INPP4B: variants seen among roughly 807,000 people sequenced by gnomAD.
The protein encoded by INPP4B is inositol polyphosphate-4-phosphatase type II B, also known as inositol polyphosphate 4-phosphatase type II.
Under a neutral mutation model 122.5 loss-of-function variants are expected in INPP4B, and 55 were observed. The ratio of observed to expected loss-of-function variants is 0.45; its 90% CI spans 0.36 to 0.56. The LOEUF is 0.56. Among genes scored for constraint, INPP4B ranks in the 20% least tolerant of loss-of-function variants. INPP4B has a pLI of 0.00. For missense variants in INPP4B, 1,000 were observed against 1,097.7 expected (o/e 0.91, Z 1.26); for synonymous variants, 403 against 388.7 (o/e 1.04, Z -0.43).
intron 2 of INPP4B, among the ~76,000 whole-genome samples, chr4:142,552,624 T>C (rs1268732739): frequency 6.6e-6 from 1 of 152,174 alleles, no homozygotes; most frequent in Non-Finnish European, 1.5e-5. Flanking sequence ...AGAGAGAATT[T>C]GGAGAAAGAG....
chr4:142,613,141 A>C (rs1025364145), intron 2 of INPP4B, among the ~76,000 whole-genome samples: 2 of 152,122 alleles, frequency 1.3e-5, no homozygotes, highest in Admixed American at 6.6e-5. Flanking sequence ...ATAAAGAGAG[A>C]GCTTTTCTCC....
chr4:142,729,118 T>A (rs1306658578), intron 1 of INPP4B, among the ~76,000 whole-genome samples: 1 of 152,164 alleles, frequency 6.6e-6, no homozygotes, highest in East Asian at 1.9e-4. Context: ...ATCCCTTGCA[T>A]GTGCAGCTCA....
At chr4:142,828,331 T>C (rs1032331699) in intron 1 of INPP4B, among the ~76,000 whole-genome samples, 1 of 152,046 alleles carries the variant, frequency 6.6e-6, no homozygotes, top group East Asian at 1.9e-4. Context: ...TACTCAAAAG[T>C]GAAATATCGT....
intron 7 of INPP4B, among the ~76,000 whole-genome samples, chr4:142,330,615 A>C (rs1419018452): frequency 6.6e-6 from 1 of 152,208 alleles, no homozygotes; most frequent in Admixed American, 6.5e-5. Context: ...ACTCTTCAAC[A>C]AATGTCAAAA....
chr4:142,459,514 T>A (rs903369446), intron 3 of INPP4B, among the ~76,000 whole-genome samples: 1 of 151,964 alleles, frequency 6.6e-6, no homozygotes, highest in Non-Finnish European at 1.5e-5. Flanking sequence ...TTTAAAAATG[T>A]GAATAAAGAC....
At chr4:142,616,357 T>G (rs940779191) in intron 2 of INPP4B, among the ~76,000 whole-genome samples, 1 of 152,118 alleles carries the variant, frequency 6.6e-6, no homozygotes, top group African/African-American at 2.4e-5. Context: ...CAGAGAGATA[T>G]CTCCCAGTGC....
At chr4:142,669,208 GGAA>G (rs1470732654) in intron 2 of INPP4B, among the ~76,000 whole-genome samples, 1 of 152,044 alleles carries the variant, frequency 6.6e-6, no homozygotes, top group Non-Finnish European at 1.5e-5. Flanking sequence ...TTCTTTGATT[GGAA>G]GAATTAACAT....
chr4:142,142,515 G>C (rs1808401723), intron 18 of INPP4B, among the ~76,000 whole-genome samples: 1 of 152,044 alleles, frequency 6.6e-6, no homozygotes, highest in Non-Finnish European at 1.5e-5. Context: ...TGAACCTGGA[G>C]CTGGGGTAGG....
At chr4:142,628,647 T>C (rs573270054) in intron 2 of INPP4B, among the ~76,000 whole-genome samples, 1 of 151,390 alleles carries the variant, frequency 6.6e-6, no homozygotes, top group Non-Finnish European at 1.5e-5. Flanking sequence ...CATGGATGCG[T>C]AGGTTATTTA....
intron 2 of INPP4B, among the ~76,000 whole-genome samples, chr4:142,708,719 G>A (rs946697531): frequency 2.0e-5 from 3 of 152,200 alleles, no homozygotes; most frequent in African/African-American, 7.2e-5. Context: ...GCAGAAGTCT[G>A]CTGCTGGGGT....
At chr4:142,185,980 T>C (rs996960485) in intron 15 of INPP4B, among the ~76,000 whole-genome samples, 4 of 150,940 alleles carry the variant, frequency 2.7e-5, no homozygotes, top group African/African-American at 7.3e-5. Context: ...TGCAAAGATA[T>C]ATGAATAAGG....
rs747104149 is a variant in INPP4B at position 142,182,556 on chromosome 4, AAAACAAAC to A, written c.1182-8755_1182-8748del. The stretch of plus-strand genomic sequence containing the variant: ...AGCGAGACTCTGTCTCAAAAAAAAA[AAAACAAAC>A]AAAAAAAAGATTCTTAATGTGAAAA... On this transcript the variant is annotated intron_variant, in intron 15 of 25. Transcript: ENST00000262992. Among the ~76,000 whole-genome samples the A allele has an allele frequency of 8.1e-3, 337 of 41,588 alleles. 25 individuals carry two copies. The highest frequency in any genetic ancestry group is 0.013 in the Admixed American group (26 of 1,972). The allele number at this position is 41,588 out of a possible 152,430, so 27.3% of individuals were successfully genotyped here. A position where few individuals can be genotyped will look rare whatever the true frequency, so the allele number is the denominator to read the frequency against.
chr4:142,281,178 A>G (rs1011610368), intron 9 of INPP4B, among the ~76,000 whole-genome samples: 1 of 151,706 alleles, frequency 6.6e-6, no homozygotes, highest in Admixed American at 6.6e-5. Context: ...TTAAACACAG[A>G]CTATTGGGAG....
chr4:142,827,971 T>C (rs1375363413), intron 1 of INPP4B, among the ~76,000 whole-genome samples: 2 of 152,224 alleles, frequency 1.3e-5, no homozygotes, highest in East Asian at 1.9e-4. Context: ...TGAACAGAAC[T>C]CTGAGGTACC....
In INPP4B at chr4:142,797,561, A is replaced by C. The variant is rs75273300; in HGVS notation, c.-254+48648T>G. Among the ~76,000 whole-genome samples, 1,253 of 152,062 alleles carry C rather than the reference A, an allele frequency of 8.2e-3. 26 individuals carry two copies. Among genetic ancestry groups the C allele is most frequent in the African/African-American group, 0.029 (1,212 of 41,526 alleles). On this transcript the variant is annotated intron_variant, in intron 1 of 25. Transcript: ENST00000262992. ...AGACAGAAAATATTTGGAATCATCA[A>C]ATTTCCCAAACTGATAAAAGAAAAC...
chr4:142,099,860 T>C (rs904696900), intron 23 of INPP4B, among the ~76,000 whole-genome samples: 2 of 152,116 alleles, frequency 1.3e-5, no homozygotes, highest in Non-Finnish European at 2.9e-5. Context: ...TTTCATCTTC[T>C]TTTACACTCA....
intron 1 of INPP4B, among the ~76,000 whole-genome samples, chr4:142,759,825 T>TAAAAAAAAAAAAAAAAA (rs70949188): frequency 6.1e-4 from 43 of 70,040 alleles, no homozygotes; most frequent in African/African-American, 1.2e-3. Flanking sequence ...GAGCTTTTTC[T>TAAAAAAAAAAAAAAAAA]AAAAAAAAAA....
chr4:142,222,901 T>G (rs1222507681), intron 12 of INPP4B, among the ~76,000 whole-genome samples: 1 of 152,230 alleles, frequency 6.6e-6, no homozygotes. Context: ...GCAAAAGAAC[T>G]ATCATAGTAG....
chr4:142,167,329 G>A (rs1009999948), intron 16 of INPP4B, among the ~76,000 whole-genome samples: 9 of 151,800 alleles, frequency 5.9e-5, no homozygotes, highest in African/African-American at 1.7e-4. Flanking sequence ...ACTTATAAGT[G>A]GGAGTTGAAC....
Sources: gnomAD v4.1 joint callset for allele counts (sites outside exome capture counted in the v4.1 genomes callset) on GRCh38, gnomAD v4.1.1 for gene constraint, MANE v1.5 for transcripts, NCBI Gene and HGNC (gene_info 2026-07-23, HGNC 2026-07-21) for gene names.